The following MYO18B variants were observed in gnomAD, a reference collection of about 807,000 sequenced individuals.
MYO18B encodes myosin XVIIIB.
MYO18B carries 204 observed loss-of-function variants against 273.0 expected under a neutral mutation model. That is an observed-to-expected ratio of 0.75 (90% CI 0.67 to 0.84). The LOEUF is 0.84. MYO18B is among the 40% of genes least tolerant of loss of function. The pLI, the probability that MYO18B is intolerant of heterozygous loss-of-function variation, is 0.00. For missense variants in MYO18B, 3,212 were observed against 3,287.6 expected (o/e 0.98, Z 0.56); for synonymous variants, 1,330 against 1,305.7 (o/e 1.02, Z -0.40).
At chr22:25,854,523 AC>A (rs377665515) in intron 21 of MYO18B, among the ~76,000 whole-genome samples, 4 of 152,358 alleles carry the variant, frequency 2.6e-5, no homozygotes, top group African/African-American at 9.6e-5. Flanking sequence ...CATAGCATAA[AC>A]TTTACTGCCA....
intron 42 of MYO18B, among the ~76,000 whole-genome samples, chr22:26,006,190 A>C (rs1038263222): frequency 6.6e-6 from 1 of 152,202 alleles, no homozygotes; most frequent in African/African-American, 2.4e-5. Flanking sequence ...AGGGTGGATA[A>C]TAAGGATCCT....
At chr22:25,772,870 A>G (rs1329607851) in intron 7 of MYO18B, among the ~76,000 whole-genome samples, 1 of 152,132 alleles carries the variant, frequency 6.6e-6, no homozygotes, top group Non-Finnish European at 1.5e-5. Context: ...TGATTAGCCC[A>G]TTTTACAGAT....
At position 25,895,163 on chromosome 22, in the gene MYO18B, G is replaced by A; in HGVS notation, c.4551G>A (p.Glu1517=). The change falls in exon 28 of 44, where the codon GAG becomes GAA. Residue 1517 remains glutamate, a synonymous_variant. Transcript: ENST00000335473. ...CCTGACTCCGTTAAACAGCAGACGAGTGGCAGATGCGCTTCGACTGTGCTC... is the reference window on the plus strand; with the variant it reads ...CCTGACTCCGTTAAACAGCAGACGAATGGCAGATGCGCTTCGACTGTGCTC... ...LERNPTGGAD[E]WQMRFDCAQM... 6.2e-7 allele frequency: 1 copy of A among 1,612,836 alleles called. No homozygotes were observed. The highest frequency in any genetic ancestry group is 8.5e-7 in the Non-Finnish European group (1 of 1,179,428).
chr22:25,939,651 T>C (rs151187218), intron 34 of MYO18B, among the ~76,000 whole-genome samples: 156 of 152,294 alleles, frequency 1.0e-3, no homozygotes, highest in African/African-American at 3.3e-3. Context: ...TGGAGATGGA[T>C]ATTTATCACA....
chr22:25,940,339 C>T (rs1408933970), intron 34 of MYO18B, among the ~76,000 whole-genome samples: 1 of 152,158 alleles, frequency 6.6e-6, no homozygotes. Flanking sequence ...CTTGATTGCA[C>T]CCATGTAAGA....
intron 34 of MYO18B, among the ~76,000 whole-genome samples, chr22:25,933,417 T>C (rs145220610): frequency 0.025 from 3,741 of 152,288 alleles, 60 homozygotes; most frequent in Non-Finnish European, 0.04. Context: ...GAAAGGGTGA[T>C]GAACCAAATG....
chr22:25,805,978 C>T (rs956552030), intron 12 of MYO18B, among the ~76,000 whole-genome samples: 7 of 152,024 alleles, frequency 4.6e-5, no homozygotes, highest in African/African-American at 1.7e-4. Context: ...TCATGTGGGA[C>T]GATTGATTAT....
chr22:25,881,154 T>C (rs909907201), intron 25 of MYO18B, among the ~76,000 whole-genome samples: 2 of 152,228 alleles, frequency 1.3e-5, no homozygotes, highest in Admixed American at 1.3e-4. Flanking sequence ...GGATGTGGAA[T>C]GAAGTTTGAG....
intron 12 of MYO18B, among the ~76,000 whole-genome samples, chr22:25,800,358 C>G (rs1419914380): frequency 6.6e-6 from 1 of 152,236 alleles, no homozygotes. Context: ...ATGCTCAGCG[C>G]TTGGCTGTTT....
intron 30 of MYO18B, chr22:25,903,311 A>C: frequency 3.4e-6 from 1 of 291,006 alleles, no homozygotes; most frequent in Non-Finnish European, 6.5e-6. Flanking sequence ...CACACAGGGA[A>C]GCTTTAGCTG....
chr22:25,891,112 A>G (rs932331279), intron 26 of MYO18B, among the ~76,000 whole-genome samples, 192 bp from the exon 27 acceptor site: 1 of 152,116 alleles, frequency 6.6e-6, no homozygotes, highest in Non-Finnish European at 1.5e-5. Context: ...CAGAAGGTGG[A>G]CAGTCTTTGG....
At chr22:25,817,438 CCTTTCT>C (rs1392582535) in intron 12 of MYO18B, among the ~76,000 whole-genome samples, 5 of 144,192 alleles carry the variant, frequency 3.5e-5, no homozygotes, top group East Asian at 2.2e-4. Context: ...CTTTCCTTTC[CCTTTCT>C]CTTTCCCCTT....
In MYO18B at chr22:25,955,334, G is replaced by A; in HGVS notation, c.6126G>A (p.Glu2042=). ...KADMEELVQR[E]AEASRRCMEL... is the part of the protein sequence containing the mutation. ...ACATGGAAGAGCTGGTGCAGCGGGA[G>A]GCAGAGGCCAGCCGGCGGTGCATGG... Residue 2042 remains glutamate, a synonymous_variant, in exon 39 of 44, where the codon GAG becomes GAA. Coordinates refer to ENST00000335473, the MANE Select transcript of MYO18B (RefSeq NM_032608.7). 6.2e-7 allele frequency: 1 copy of A among 1,613,718 alleles called. No homozygotes were observed. Among genetic ancestry groups the A allele is most frequent in the Non-Finnish European group, 8.5e-7 (1 of 1,179,794 alleles).
chr22:25,933,859 G>C (rs986470534), intron 34 of MYO18B, among the ~76,000 whole-genome samples: 1 of 152,096 alleles, frequency 6.6e-6, no homozygotes, highest in Admixed American at 6.6e-5. Context: ...CTAGAAGTGT[G>C]GTATCTCTGG....
chr22:25,917,245 A>T (rs554699915), intron 33 of MYO18B, among the ~76,000 whole-genome samples: 26 of 152,146 alleles, frequency 1.7e-4, no homozygotes, highest in Non-Finnish European at 3.5e-4. Context: ...CCTCCTGTTA[A>T]CTTTGGTTTT....
intron 39 of MYO18B, among the ~76,000 whole-genome samples, chr22:25,956,876 G>A (rs1308830574): frequency 6.6e-6 from 1 of 152,056 alleles, no homozygotes; most frequent in African/African-American, 2.4e-5. Context: ...AATATGTCTC[G>A]GGCTACTGTC....
At chr22:26,031,159 C>T (rs1057276766), downstream of MYO18B, 10 of 384,034 alleles carry the variant, frequency 2.6e-5, no homozygotes, top group African/African-American at 2.1e-4. Flanking sequence ...TGTGTGCCCA[C>T]ATTTAGGTAG....
intron 25 of MYO18B, among the ~76,000 whole-genome samples, chr22:25,885,392 G>A (rs1483766943): frequency 2.0e-5 from 3 of 152,146 alleles, no homozygotes; most frequent in South Asian, 4.2e-4. Context: ...GTGGGAAATG[G>A]GGTCAGGGAG....
chr22:26,018,732 T>C (rs1440702507), intron 42 of MYO18B, among the ~76,000 whole-genome samples: 1 of 152,084 alleles, frequency 6.6e-6, no homozygotes, highest in African/African-American at 2.4e-5. Context: ...GTGGGTGGAT[T>C]ACTTGGGGTC....
Sources: allele counts gnomAD v4.1 joint callset (sites outside exome capture counted in the v4.1 genomes callset), GRCh38; gene constraint gnomAD v4.1.1; transcripts MANE v1.5; gene names NCBI Gene and HGNC (gene_info 2026-07-23, HGNC 2026-07-21).